LRMDA: variants seen among roughly 807,000 people sequenced by gnomAD.
LRMDA encodes the protein leucine-rich melanocyte differentiation-associated protein.
Under a neutral mutation model 29.8 loss-of-function variants are expected in LRMDA, and 18 were observed. That is an observed-to-expected ratio of 0.60 (90% CI 0.42 to 0.90). LRMDA has a LOEUF of 0.90. LRMDA is among the 40% of genes least tolerant of loss of function. The probability of loss-of-function intolerance (pLI) is 0.00; values close to 1 mark genes in which losing one functional copy is unlikely to be tolerated. For synonymous variants in LRMDA, 125 were observed against 109.4 expected (o/e 1.14, Z -0.89); for missense variants, 273 against 273.9 (o/e 1.00, Z 0.02).
chr10:75,639,838 G>T (rs757235112), intron 2 of LRMDA, among the ~76,000 whole-genome samples: 1 of 144,974 alleles, frequency 6.9e-6, no homozygotes, highest in African/African-American at 2.7e-5. Flanking sequence ...TGTCCTGCGC[G>T]GCTGCGCTCG....
intron 2 of LRMDA, among the ~76,000 whole-genome samples, chr10:75,917,207 G>T (rs1845948671): frequency 6.6e-6 from 1 of 152,186 alleles, no homozygotes; most frequent in Non-Finnish European, 1.5e-5. Flanking sequence ...GTAAGAATTG[G>T]GGTGAGATGG....
intron 2 of LRMDA, among the ~76,000 whole-genome samples, chr10:75,899,274 C>T (rs557121748): frequency 2.8e-4 from 43 of 152,322 alleles, no homozygotes; most frequent in African/African-American, 9.9e-4. Context: ...CTTCAGCAAA[C>T]ATTTCTTACC....
intron 5 of LRMDA, among the ~76,000 whole-genome samples, chr10:76,060,511 C>A (rs1480532906): frequency 6.6e-6 from 1 of 152,170 alleles, no homozygotes; most frequent in South Asian, 2.1e-4. Context: ...CTGGGCTGCC[C>A]CAGGTCACCT....
intron 6 of LRMDA, among the ~76,000 whole-genome samples, chr10:76,453,131 A>G (rs1183015065): frequency 6.6e-6 from 1 of 152,254 alleles, no homozygotes; most frequent in Non-Finnish European, 1.5e-5. Context: ...GATAGTCATC[A>G]TTAGCAGTGA....
chr10:76,009,212 G>A (rs1474687239), intron 2 of LRMDA, among the ~76,000 whole-genome samples: 3 of 152,060 alleles, frequency 2.0e-5, no homozygotes, highest in Non-Finnish European at 4.4e-5. Flanking sequence ...GCCAAGGTAG[G>A]TGCTCCCACT....
intron 5 of LRMDA, among the ~76,000 whole-genome samples, chr10:76,191,678 G>C (rs1851249522): frequency 6.6e-6 from 1 of 152,176 alleles, no homozygotes; most frequent in South Asian, 2.1e-4. Flanking sequence ...GAAAGCAGCT[G>C]TTTAGTGACA....
chr10:75,779,601 G>T (rs1474233157), intron 2 of LRMDA, among the ~76,000 whole-genome samples: 1 of 152,198 alleles, frequency 6.6e-6, no homozygotes, highest in Non-Finnish European at 1.5e-5. Flanking sequence ...GCTAGGCTCT[G>T]CTGTTGTAAC....
rs1250135383 is a variant in LRMDA, at chr10:75,464,963, A to T, written c.131+26469A>T. 2.6e-5 allele frequency among the ~76,000 whole-genome samples: 4 copies of T among 152,074 alleles called. No individual in the cohort carries two copies. The South Asian group carries it at 8.3e-4, about 32-fold the overall frequency. On this transcript the variant is annotated intron_variant, in intron 2 of 6. Coordinates refer to ENST00000611255, the MANE Select transcript of LRMDA (RefSeq NM_001305581.2). The stretch of plus-strand genomic sequence containing the variant: ...ATGAAACTGGTATTTTGCTGAGGGA[A>T]CTCAGGAAAGCTGATGGTTCTTTTT...
intron 6 of LRMDA, among the ~76,000 whole-genome samples, chr10:76,514,122 C>T (rs1404526412): frequency 6.6e-6 from 1 of 152,116 alleles, no homozygotes; most frequent in Non-Finnish European, 1.5e-5. Flanking sequence ...TTAAGTAGCA[C>T]CCCAATCCCA....
chr10:76,094,445 T>C (rs2132094630), intron 5 of LRMDA, among the ~76,000 whole-genome samples: 1 of 152,306 alleles, frequency 6.6e-6, no homozygotes, highest in South Asian at 2.1e-4. Context: ...TCTCCTTTTG[T>C]TGCTTAGGAA....
chr10:76,027,643 A>C (rs1216229642), intron 2 of LRMDA, among the ~76,000 whole-genome samples: 1 of 152,226 alleles, frequency 6.6e-6, no homozygotes, highest in African/African-American at 2.4e-5. Flanking sequence ...AACAACTAAG[A>C]AAGATGACTT....
intron 5 of LRMDA, among the ~76,000 whole-genome samples, chr10:76,077,834 G>A (rs370097574): frequency 5.9e-5 from 9 of 151,840 alleles, no homozygotes; most frequent in African/African-American, 1.9e-4. Flanking sequence ...GCATTTTCAG[G>A]CCATCTATGA....
At chr10:75,440,158 T>A (rs1345783980) in intron 2 of LRMDA, among the ~76,000 whole-genome samples, 1 of 149,898 alleles carries the variant, frequency 6.7e-6, no homozygotes, top group Non-Finnish European at 1.5e-5. Flanking sequence ...TGTGTATGTG[T>A]GGCAAGAAGG....
In LRMDA at chr10:76,279,691, GC is replaced by G. The variant is rs569141507; in HGVS notation, c.517-44707del. Among the ~76,000 whole-genome samples the G allele has an allele frequency of 1.4e-3, 208 of 151,986 alleles. 2 individuals are homozygous for G. Among genetic ancestry groups the G allele is most frequent in the African/African-American group, 4.6e-3 (189 of 41,496 alleles). Reference sequence around the variant, plus strand: ...CTCCTGAGTAGCTGGGATTACAGGTGCCCACCACCATACCCAGCTAATTTTT... The same window carrying G: ...CTCCTGAGTAGCTGGGATTACAGGTGCCACCACCATACCCAGCTAATTTTT... On this transcript the variant is annotated intron_variant, in intron 5 of 6. Coordinates refer to ENST00000611255, the MANE Select transcript of LRMDA (RefSeq NM_001305581.2).
At chr10:76,297,146 G>A (rs1257080117) in intron 5 of LRMDA, among the ~76,000 whole-genome samples, 2 of 152,194 alleles carry the variant, frequency 1.3e-5, no homozygotes, top group African/African-American at 2.4e-5. Flanking sequence ...AGTTTATGTT[G>A]CAATAAATGT....
chr10:75,961,125 T>C (rs1252505414), intron 2 of LRMDA, among the ~76,000 whole-genome samples: 1 of 152,190 alleles, frequency 6.6e-6, no homozygotes, highest in Admixed American at 6.5e-5. Flanking sequence ...TTTTCTCTTA[T>C]GAAAATAATA....
intron 2 of LRMDA, among the ~76,000 whole-genome samples, chr10:75,775,093 G>A (rs1168669504): frequency 6.6e-6 from 1 of 152,240 alleles, no homozygotes; most frequent in East Asian, 1.9e-4. Flanking sequence ...TTCTTCCACT[G>A]TAGATTTTGT....
intron 2 of LRMDA, among the ~76,000 whole-genome samples, chr10:75,596,738 C>T (rs1336511274): frequency 1.3e-5 from 2 of 152,080 alleles, no homozygotes; most frequent in African/African-American, 2.4e-5. Flanking sequence ...TATTGCTAAC[C>T]GTAGTCATCC....
chr10:76,081,264 C>G (rs550617152), intron 5 of LRMDA, among the ~76,000 whole-genome samples: 13 of 152,080 alleles, frequency 8.5e-5, no homozygotes, highest in African/African-American at 3.1e-4. Context: ...TTGTTTGAGC[C>G]CAGGAGTTCA....
Sources: gnomAD v4.1 joint callset for allele counts (sites outside exome capture counted in the v4.1 genomes callset) on GRCh38, gnomAD v4.1.1 for gene constraint, MANE v1.5 for transcripts, NCBI Gene and HGNC (gene_info 2026-07-23, HGNC 2026-07-21) for gene names.